Variants in GRAMD4 observed in about 807,000 individuals in gnomAD.
The protein encoded by GRAMD4 is GRAM domain containing 4, also known as GRAM domain-containing protein 4.
In GRAMD4, 25 loss-of-function variants were observed where a neutral mutation model predicts 83.9. The ratio of observed to expected loss-of-function variants is 0.30; its 90% CI spans 0.22 to 0.42. GRAMD4 has a LOEUF of 0.42. Among genes scored for constraint, GRAMD4 ranks in the 10% least tolerant of loss-of-function variants. The probability of loss-of-function intolerance (pLI) is 1.00; values close to 1 mark genes in which losing one functional copy is unlikely to be tolerated. For synonymous variants in GRAMD4, 336 were observed against 320.9 expected, an observed-to-expected ratio of 1.05 and a Z score of -0.50; for missense variants, 593 against 788.7, an observed-to-expected ratio of 0.75 and a Z score of 2.97.
rs375658129 is a variant in GRAMD4 at position 46,677,302 on chromosome 22, C to CTTT, written c.*62_*64dup. Reference sequence around the variant, plus strand: ...GAATTTTCTTTTTCTTTTTCTTTTTCTTTTTTTTTTTTTACGATTTGGTAG... The same window carrying CTTT: ...GAATTTTCTTTTTCTTTTTCTTTTTCTTTTTTTTTTTTTTTTACGATTTGGTAG... On this transcript the variant is annotated 3_prime_UTR_variant, in exon 19 of 19. Coordinates refer to ENST00000406902, the MANE Select transcript of GRAMD4 (RefSeq NM_015124.5). 33 of 1,340,310 alleles carry CTTT rather than the reference C, an allele frequency of 2.5e-5. No homozygotes were observed. Among genetic ancestry groups the CTTT allele is most frequent in the Middle Eastern group, 3.9e-4 (2 of 5,120 alleles). The allele number at this position is 1,340,310 out of a possible 1,614,324, so 83.0% of individuals were successfully genotyped here.
At chr22:46,647,154 A>C (rs1299408375) in intron 3 of GRAMD4, among the ~76,000 whole-genome samples, 1 of 152,168 alleles carries the variant, frequency 6.6e-6, no homozygotes, top group African/African-American at 2.4e-5. Flanking sequence ...CTAGAGTGAC[A>C]TGTTTAATAA....
At chr22:46,624,324 CTTTTTTTTTTT>C (rs577618843) in intron 1 of GRAMD4, among the ~76,000 whole-genome samples, 20 of 69,550 alleles carry the variant, frequency 2.9e-4, no homozygotes, top group African/African-American at 7.1e-4. Context: ...TTCCCTCTTC[CTTTTTTTTTTT>C]TTTTTTTTTT....
intron 2 of GRAMD4, among the ~76,000 whole-genome samples, chr22:46,628,257 T>G (rs1294237775): frequency 6.6e-6 from 1 of 152,172 alleles, no homozygotes; most frequent in Non-Finnish European, 1.5e-5. Flanking sequence ...CTGCTCCAGG[T>G]GTTGTCTCGG....
intron 1 of GRAMD4, among the ~76,000 whole-genome samples, chr22:46,599,574 G>A (rs1158422612): frequency 2.6e-5 from 4 of 152,100 alleles, no homozygotes; most frequent in Admixed American, 6.5e-5. Flanking sequence ...TGACCCACCC[G>A]CCTCGGCCTT....
intron 2 of GRAMD4, among the ~76,000 whole-genome samples, chr22:46,634,388 AGAG>A (rs1288874544): frequency 2.0e-5 from 3 of 152,256 alleles, no homozygotes; most frequent in East Asian, 3.8e-4. Context: ...AAGGGGAGAC[AGAG>A]GAGAAGAAGA....
rs1463966032 is a variant in GRAMD4, at chr22:46,626,870, C to T, written c.71C>T (p.Ser24Phe). Residue 24 changes from serine (S) to phenylalanine (F), a missense_variant, in exon 2 of 19, where the codon TCT (serine) becomes TTT (phenylalanine). Transcript: ENST00000406902. ...GATGACTTCCTCGATCTAGCGGAGT[C>T]TCCAAATGCCTCGGACACCGAATGC... Reference protein sequence around the residue: ...KRDDFLDLAESPNASDTECSD... With the variant: ...KRDDFLDLAEFPNASDTECSD... The T allele has an allele frequency of 6.2e-7, 1 of 1,614,076 alleles. No individual in the cohort carries two copies. Among genetic ancestry groups the T allele is most frequent in the Admixed American group, 1.7e-5 (1 of 60,026 alleles).
At chr22:46,646,282 G>A (rs772569680) in intron 3 of GRAMD4, among the ~76,000 whole-genome samples, 1 of 152,222 alleles carries the variant, frequency 6.6e-6, no homozygotes, top group Non-Finnish European at 1.5e-5. Flanking sequence ...GAGAGAGACT[G>A]CCTTTTCCTC....
chr22:46,659,210 C>T lies in GRAMD4; in HGVS notation c.404+903C>T, dbSNP rs2082291353. ...CAGCCTCCACTCCAGCAGCCTCCTGCTTCGGCCTCCCTCTCAGCCTCCACT... is the reference window on the plus strand; with the variant it reads ...CAGCCTCCACTCCAGCAGCCTCCTGTTTCGGCCTCCCTCTCAGCCTCCACT... On this transcript the variant is annotated intron_variant, in intron 4 of 18. Transcript: ENST00000406902. This position sits in a 1 kb window ranked among gnomAD's most constrained non-coding sequence, Gnocchi z 4.1. 6.6e-6 allele frequency among the ~76,000 whole-genome samples: 1 copy of T among 152,074 alleles called. No individual in the cohort carries two copies. The highest frequency in any genetic ancestry group is 1.5e-5 in the Non-Finnish European group (1 of 67,996).
intron 8 of GRAMD4, among the ~76,000 whole-genome samples, chr22:46,665,118 G>A (rs1018589605): frequency 2.6e-5 from 4 of 152,216 alleles, no homozygotes; most frequent in South Asian, 2.1e-4. Flanking sequence ...ACTAAGAGAT[G>A]AGCCCAAGCT....
chr22:46,585,329 T>G (rs943075283), intron 1 of GRAMD4, among the ~76,000 whole-genome samples: 3 of 152,110 alleles, frequency 2.0e-5, no homozygotes, highest in Non-Finnish European at 4.4e-5. Context: ...TAGCTGGAAC[T>G]ACAGGCACGC....
Position 46,673,538 on chromosome 22 carries a change from C to T in GRAMD4, c.1240-132C>T, listed in dbSNP as rs2082545964. 8 of 1,142,248 alleles carry T rather than the reference C, an allele frequency of 7.0e-6. No individual in the cohort carries two copies. The East Asian group carries it at 1.9e-4, about 27-fold the overall frequency. The allele number at this position is 1,142,248 out of a possible 1,614,324, so 70.8% of individuals were successfully genotyped here. A position where few individuals can be genotyped will look rare whatever the true frequency, so the allele number is the denominator to read the frequency against. On this transcript the variant is annotated intron_variant, in intron 14 of 18. Transcript: ENST00000406902. ...GCCTGGAAGAAGGAGCCGCTCTGGG[C>T]CGGAAGGGACCTCGGGAACGTCTTC...
intron 18 of GRAMD4, among the ~76,000 whole-genome samples, chr22:46,676,887 G>A (rs1251290045): frequency 6.6e-6 from 1 of 152,258 alleles, no homozygotes; most frequent in African/African-American, 2.4e-5. Context: ...AGACAGGGAT[G>A]TTGGGCACAG....
At position 46,677,770 on chromosome 22, in the gene GRAMD4, G is replaced by GC; in HGVS notation, c.*522dup. Reference sequence around the variant, plus strand: ...CAACCACCGAGAAACGGGCCTGGCGGCCCTCCTTCCTCTTACATGAGACCC... The same window carrying GC: ...CAACCACCGAGAAACGGGCCTGGCGGCCCCTCCTTCCTCTTACATGAGACCC... On this transcript the variant is annotated 3_prime_UTR_variant, in exon 19 of 19. Coordinates refer to ENST00000406902, the MANE Select transcript of GRAMD4 (RefSeq NM_015124.5). The GC allele has an allele frequency of 3.0e-6, 3 of 986,182 alleles. No individual in the cohort carries two copies. The highest frequency in any genetic ancestry group is 3.6e-6 in the Non-Finnish European group (3 of 830,416). 61.1% of individuals were successfully genotyped at this position (986,182 alleles called of 1,614,324 possible). A position where few individuals can be genotyped will look rare whatever the true frequency, so the allele number is the denominator to read the frequency against.
chr22:46,599,481 G>C (rs1240269590), intron 1 of GRAMD4, among the ~76,000 whole-genome samples: 1 of 151,994 alleles, frequency 6.6e-6, no homozygotes, highest in Non-Finnish European at 1.5e-5. Context: ...ACCATGCCCG[G>C]CTAATTTTTG....
Position 46,678,494 on chromosome 22 carries a change from T to C in GRAMD4, c.*1243T>C. 1.0e-6 allele frequency: 1 copy of C among 985,244 alleles called. No individual in the cohort carries two copies. The highest frequency in any genetic ancestry group is 1.2e-6 in the Non-Finnish European group (1 of 829,870). 61.0% of individuals were successfully genotyped at this position (985,244 alleles called of 1,614,324 possible). ...GCAGGCCTGGTCTGCTGGGGCCGCC[T>C]GCGCTGGGCTGAAGGGAGGGAAAGG... On this transcript the variant is annotated 3_prime_UTR_variant, in exon 19 of 19. Coordinates refer to ENST00000406902, the MANE Select transcript of GRAMD4 (RefSeq NM_015124.5).
At chr22:46,623,051 C>T (rs1049661649) in intron 1 of GRAMD4, among the ~76,000 whole-genome samples, 2 of 152,134 alleles carry the variant, frequency 1.3e-5, no homozygotes, top group African/African-American at 2.4e-5. Context: ...TAACGACCAC[C>T]GTAAGCCCAT....
In GRAMD4 at chr22:46,626,888, C is replaced by T. The variant is rs767598796; in HGVS notation, c.89C>T (p.Thr30Ile). Residue 30 changes from threonine to isoleucine, a missense_variant, in exon 2 of 19, where the codon ACC becomes ATC. Coordinates refer to ENST00000406902, the MANE Select transcript of GRAMD4 (RefSeq NM_015124.5). ...GCGGAGTCTCCAAATGCCTCGGACA[C>T]CGAATGCAGCGACGAAATCCCCCTG... is the stretch of plus-strand genomic sequence containing the variant. ...DLAESPNASD[T>I]ECSDEIPLKV... 4 of 1,614,148 alleles carry T rather than the reference C, an allele frequency of 2.5e-6. No individual in the cohort carries two copies. The highest frequency in any genetic ancestry group is 2.5e-6 in the Non-Finnish European group (3 of 1,179,980).
intron 5 of GRAMD4, among the ~76,000 whole-genome samples, chr22:46,662,348 G>A (rs6008942): frequency 0.011 from 1,635 of 152,344 alleles, 33 homozygotes; most frequent in African/African-American, 0.037. Context: ...AAACTTTGGC[G>A]AGGCAGCACC....
At chr22:46,624,152 T>C (rs1481095023) in intron 1 of GRAMD4, among the ~76,000 whole-genome samples, 1 of 152,118 alleles carries the variant, frequency 6.6e-6, no homozygotes, top group Non-Finnish European at 1.5e-5. Flanking sequence ...TTCCTTGTTT[T>C]ATAGCGTATT....
Sources: gnomAD v4.1 joint callset for allele counts (sites outside exome capture counted in the v4.1 genomes callset) on GRCh38, gnomAD v4.1.1 for gene constraint, Gnocchi (gnomAD v3.1) non-coding constraint, MANE v1.5 for transcripts, NCBI Gene and HGNC (gene_info 2026-07-23, HGNC 2026-07-21) for gene names.